The following FUT9 variants were observed in gnomAD, a reference collection of about 807,000 sequenced individuals.
FUT9 encodes the protein 4-galactosyl-N-acetylglucosaminide 3-alpha-L-fucosyltransferase 9.
A neutral mutation model predicts 29.7 loss-of-function variants in FUT9; 15 were observed. The ratio of observed to expected loss-of-function variants is 0.51; its 90% CI spans 0.34 to 0.78. The LOEUF is 0.78. Ranked by LOEUF, FUT9 falls within the 30% of genes least tolerant of loss-of-function variation. The probability of loss-of-function intolerance (pLI) is 0.01; values close to 1 mark genes in which losing one functional copy is unlikely to be tolerated. For missense variants in FUT9, 319 were observed against 425.4 expected (o/e 0.75, Z 2.20); for synonymous variants, 169 against 153.7 (o/e 1.10, Z -0.74).
At position 96,204,114 on chromosome 6, in the gene FUT9, A is replaced by T. The variant is rs1212599318; in HGVS notation, c.959A>T (p.Lys320Met). ...KLYLSYFNWR[K>M]DFTVNLPRFW... ...TACCTTAGTTACTTTAACTGGAGGA[A>T]GGATTTCACTGTAAATCTTCCACGA... Residue 320 changes from lysine (K) to methionine (M), a missense_variant, in exon 3 of 3, where the codon AAG (lysine) becomes ATG (methionine). Lys to Met is a moderately conservative substitution (Grantham distance 95). Coordinates refer to ENST00000302103, the MANE Select transcript of FUT9 (RefSeq NM_006581.4). 6.6e-7 allele frequency: 1 copy of T among 1,505,056 alleles called. No individual in the cohort carries two copies. Among genetic ancestry groups the T allele is most frequent in the East Asian group, 2.3e-5 (1 of 43,916 alleles). The allele number at this position is 1,505,056 out of a possible 1,614,324, so 93.2% of individuals were successfully genotyped here. A position where few individuals can be genotyped will look rare whatever the true frequency, so the allele number is the denominator to read the frequency against.
chr6:96,018,410 C>G lies in FUT9; in HGVS notation c.-98+2198C>G, dbSNP rs189458963. 6.9e-3 allele frequency among the ~76,000 whole-genome samples: 1,053 copies of G among 152,038 alleles called. 6 individuals carry two copies. The highest frequency in any genetic ancestry group is 0.02 in the Middle Eastern group (6 of 294). ...GAATTATCTATGAGAATCCAAATAACTAGTCTGCCAAAAATTTTGGCAAGA... is the reference window on the plus strand; with the variant it reads ...GAATTATCTATGAGAATCCAAATAAGTAGTCTGCCAAAAATTTTGGCAAGA... On this transcript the variant is annotated intron_variant, in intron 1 of 2. Coordinates refer to ENST00000302103, the MANE Select transcript of FUT9 (RefSeq NM_006581.4).
rs1004178267 is a variant in FUT9 at position 96,165,417 on chromosome 6, C to T, written c.-8-37731C>T. Among the ~76,000 whole-genome samples, 9 of 140,188 alleles carry T rather than the reference C, an allele frequency of 6.4e-5. No individual in the cohort carries two copies. The East Asian group carries it at 9.3e-4, about 14-fold the overall frequency. 92.0% of individuals were successfully genotyped at this position (140,188 alleles called of 152,430 possible). A position where few individuals can be genotyped will look rare whatever the true frequency, so the allele number is the denominator to read the frequency against. Reference sequence around the variant, plus strand: ...CTGCACTCCAGCCTGGGTGACAGAGCGAGACTCCATCTCAAAAAGAAAAAA... The same window carrying T: ...CTGCACTCCAGCCTGGGTGACAGAGTGAGACTCCATCTCAAAAAGAAAAAA... On this transcript the variant is annotated intron_variant, in intron 2 of 2. Transcript: ENST00000302103.
chr6:96,122,656 A>G (rs957743214), intron 2 of FUT9, among the ~76,000 whole-genome samples: 1 of 152,070 alleles, frequency 6.6e-6, no homozygotes, highest in Non-Finnish European at 1.5e-5. Context: ...TATCTTGGGT[A>G]TTGGATTGTA....
intron 1 of FUT9, among the ~76,000 whole-genome samples, chr6:96,086,955 C>T (rs962893853): frequency 3.3e-5 from 5 of 152,154 alleles, no homozygotes; most frequent in East Asian, 1.9e-4. Flanking sequence ...TGCCAATTTT[C>T]GGTTAGCACC....
At chr6:96,189,270 A>G (rs1268837470) in intron 2 of FUT9, among the ~76,000 whole-genome samples, 2 of 152,164 alleles carry the variant, frequency 1.3e-5, no homozygotes, top group African/African-American at 4.8e-5. Context: ...AAGCATGGTG[A>G]TGGAGGGAAT....
chr6:96,066,677 C>T (rs1343590202), intron 1 of FUT9, among the ~76,000 whole-genome samples: 1 of 151,914 alleles, frequency 6.6e-6, no homozygotes, highest in African/African-American at 2.4e-5. Flanking sequence ...AAAGCAAGCC[C>T]CCAATAATTA....
At position 96,203,144 on chromosome 6, in the gene FUT9, G is replaced by T. The variant is rs558129777; in HGVS notation, c.-8-4G>T. 4.5e-6 allele frequency: 7 copies of T among 1,563,998 alleles called. No homozygotes were observed. The highest frequency in any genetic ancestry group is 6.1e-6 in the Non-Finnish European group (7 of 1,148,490). ...CTCCCCTTCTGTCTTTCTCTATTTC[G>T]TAGGAAAAATTATGACATCAACATC... On this transcript the variant is annotated splice_region_variant and splice_polypyrimidine_tract_variant and intron_variant, in intron 2 of 2. Transcript: ENST00000302103.
intron 1 of FUT9, among the ~76,000 whole-genome samples, chr6:96,057,966 C>A (rs1187097581): frequency 6.6e-6 from 1 of 152,108 alleles, no homozygotes; most frequent in East Asian, 1.9e-4. Context: ...TTCAGCCTCT[C>A]CAAACATTTT....
At chr6:96,171,443 C>G (rs951961770) in intron 2 of FUT9, among the ~76,000 whole-genome samples, 3 of 152,104 alleles carry the variant, frequency 2.0e-5, no homozygotes, top group Non-Finnish European at 2.9e-5. Flanking sequence ...GGCCATCACA[C>G]CACATAAACA....
intron 2 of FUT9, among the ~76,000 whole-genome samples, chr6:96,131,303 C>T (rs1014845908): frequency 1.3e-5 from 2 of 151,984 alleles, no homozygotes; most frequent in African/African-American, 2.4e-5. Context: ...ACAAATAACA[C>T]CTTGACGAGT....
intron 1 of FUT9, among the ~76,000 whole-genome samples, chr6:96,043,352 T>A (rs1770503581): frequency 6.6e-6 from 1 of 152,154 alleles, no homozygotes; most frequent in Non-Finnish European, 1.5e-5. Flanking sequence ...GCCCAGACGA[T>A]TGTTGTTTAT....
chr6:96,120,569 C>G (rs1338418745), intron 2 of FUT9, among the ~76,000 whole-genome samples: 1 of 143,014 alleles, frequency 7.0e-6, no homozygotes. Context: ...AGGCGTGAAC[C>G]ACCGTGCCTG....
chr6:96,202,992 G>T (rs1432998756), intron 2 of FUT9, among the ~76,000 whole-genome samples, 156 bp from the exon 3 acceptor site: 1 of 152,084 alleles, frequency 6.6e-6, no homozygotes, highest in Non-Finnish European at 1.5e-5. Flanking sequence ...GGAAAGTTCT[G>T]TTTCTCTCAA....
At chr6:96,185,787 A>G (rs2127987248) in intron 2 of FUT9, among the ~76,000 whole-genome samples, 1 of 152,230 alleles carries the variant, frequency 6.6e-6, no homozygotes, top group Non-Finnish European at 1.5e-5. Context: ...TTCACAAAAT[A>G]TGGAACTTTC....
At chr6:96,106,213 C>CCCTTCCTTCCTTCCTTCCTTCCTT (rs58462407) in intron 1 of FUT9, among the ~76,000 whole-genome samples, 26,531 of 136,950 alleles carry the variant, frequency 0.19, 3,417 homozygotes, top group East Asian at 0.32. Flanking sequence ...AATCCATCAA[C>CCCTTCCTTCCTTCCTTCCTTCCTT]CCTTCCTTCC....
chr6:96,128,624 G>T (rs1411307765), intron 2 of FUT9, among the ~76,000 whole-genome samples: 2 of 151,974 alleles, frequency 1.3e-5, no homozygotes, highest in Non-Finnish European at 2.9e-5. Context: ...TCTACCTGTG[G>T]TAATTTATTC....
intron 2 of FUT9, among the ~76,000 whole-genome samples, chr6:96,132,836 T>C (rs1425727895): frequency 6.6e-6 from 1 of 152,124 alleles, no homozygotes; most frequent in Non-Finnish European, 1.5e-5. Context: ...GCAAAAAAAC[T>C]ATTTGCAGAC....
At chr6:96,046,890 A>G (rs1361864297) in intron 1 of FUT9, among the ~76,000 whole-genome samples, 1 of 152,244 alleles carries the variant, frequency 6.6e-6, no homozygotes, top group Non-Finnish European at 1.5e-5. Context: ...TGAAAAAATT[A>G]TCAGAGTGAC....
At chr6:96,113,648 C>T (rs1771853129) in intron 1 of FUT9, among the ~76,000 whole-genome samples, 1 of 151,496 alleles carries the variant, frequency 6.6e-6, no homozygotes, top group African/African-American at 2.4e-5. Flanking sequence ...GTCAGGAGAT[C>T]AAGACCATCC....
Sources: allele counts gnomAD v4.1 joint callset (sites outside exome capture counted in the v4.1 genomes callset), GRCh38; gene constraint gnomAD v4.1.1; transcripts MANE v1.5; gene names NCBI Gene and HGNC (gene_info 2026-07-23, HGNC 2026-07-21).